DTD1: variants seen among roughly 807,000 people sequenced by gnomAD.
DTD1 encodes D-tyrosyl-tRNA deacylase 1 homolog.
Under a neutral mutation model 25.6 loss-of-function variants are expected in DTD1, and 13 were observed. The observed-to-expected ratio is 0.51, with a 90% CI of 0.33 to 0.81. The LOEUF is 0.81. DTD1 is among the 30% of genes least tolerant of loss of function. The probability of loss-of-function intolerance (pLI) is 0.02; values close to 1 mark genes in which losing one functional copy is unlikely to be tolerated. For synonymous variants in DTD1, 110 were observed against 103.6 expected, an observed-to-expected ratio of 1.06 and a Z score of -0.37; for missense variants, 193 against 266.4, an observed-to-expected ratio of 0.72 and a Z score of 1.92.
intron 4 of DTD1, among the ~76,000 whole-genome samples, chr20:18,686,366 A>G (rs2061016484): frequency 6.6e-6 from 1 of 152,242 alleles, no homozygotes; most frequent in Non-Finnish European, 1.5e-5. Context: ...CTATTTTTGC[A>G]TATATACCTT....
chr20:18,590,321 C>G (rs6075374), intron 1 of DTD1, among the ~76,000 whole-genome samples: 46,765 of 151,822 alleles, frequency 0.31, 7,628 homozygotes, highest in Non-Finnish European at 0.37. Flanking sequence ...AGACTACAGG[C>G]GTGTGCCGCC....
rs150843102 is a variant in DTD1, at chr20:18,726,629, C to G, written c.478-17471C>G. Among the ~76,000 whole-genome samples the G allele has an allele frequency of 6.2e-3, 945 of 152,298 alleles. 8 individuals carry two copies. Among genetic ancestry groups the G allele is most frequent in the Non-Finnish European group, 7.8e-3 (532 of 68,034 alleles). On this transcript the variant is annotated intron_variant, in intron 4 of 5. Coordinates refer to ENST00000377452, the MANE Select transcript of DTD1 (RefSeq NM_080820.6). ...CATTGGGATGACTAGGAATTCTACT[C>G]CTTGTTGTCACTTAGTGGGGAGTGT...
At chr20:18,588,136 C>A in intron 1 of DTD1, 21 bp downstream of exon 1, 1 of 1,260,670 alleles carries the variant, frequency 7.9e-7, no homozygotes, top group South Asian at 2.8e-5. Flanking sequence ...CGGGGCCGGG[C>A]CCGGGAGGAG....
Position 18,749,233 on chromosome 20 carries a change from G to A in DTD1, c.*19+4962G>A, listed in dbSNP as rs553854114. Among the ~76,000 whole-genome samples, 3 of 152,298 alleles carry A rather than the reference G, an allele frequency of 2.0e-5. No individual in the cohort carries two copies. In the East Asian group the frequency reaches 5.8e-4, roughly 29 times the overall value. On this transcript the variant is annotated intron_variant, in intron 5 of 5. Coordinates refer to ENST00000377452, the MANE Select transcript of DTD1 (RefSeq NM_080820.6). This position sits in a 1 kb window ranked among gnomAD's most constrained non-coding sequence, Gnocchi z 4.2. ...TGACAGGGATTCTGGAGGGAGAGCA[G>A]TGCAGGTGGCTCCAGGGCTCCAGGA...
chr20:18,651,018 G>C (rs956372991), intron 4 of DTD1, among the ~76,000 whole-genome samples: 1 of 152,192 alleles, frequency 6.6e-6, no homozygotes, highest in African/African-American at 2.4e-5. Flanking sequence ...TAACAGACTA[G>C]ATGAAAGACC....
intron 3 of DTD1, among the ~76,000 whole-genome samples, chr20:18,607,703 T>C (rs2060666378): frequency 6.6e-6 from 1 of 152,050 alleles, no homozygotes; most frequent in Non-Finnish European, 1.5e-5. Flanking sequence ...AAATTGTCTT[T>C]TTCTTCTTCT....
intron 4 of DTD1, among the ~76,000 whole-genome samples, chr20:18,740,998 A>G (rs1012260187): frequency 1.3e-5 from 2 of 152,228 alleles, no homozygotes; most frequent in African/African-American, 4.8e-5. Context: ...CTGTGTGGCC[A>G]TTTCTCAGAT....
Position 18,696,647 on chromosome 20 carries a change from C to T in DTD1, c.478-47453C>T, listed in dbSNP as rs374116853. On this transcript the variant is annotated intron_variant, in intron 4 of 5. Transcript: ENST00000377452. Reference sequence around the variant, plus strand: ...TCGGCTCATTGCAACCTCCGCCTCCCGGGTTCAAGTGATTCTCCTTCCTCA... The same window carrying T: ...TCGGCTCATTGCAACCTCCGCCTCCTGGGTTCAAGTGATTCTCCTTCCTCA... 7.8e-4 allele frequency among the ~76,000 whole-genome samples: 118 copies of T among 152,114 alleles called. 2 individuals are homozygous for T. The South Asian group carries it at 0.023, about 30-fold the overall frequency.
chr20:18,647,058 A>C (rs756558367), intron 4 of DTD1, among the ~76,000 whole-genome samples: 2 of 152,220 alleles, frequency 1.3e-5, no homozygotes, highest in Non-Finnish European at 2.9e-5. Context: ...TCTTCTAATC[A>C]ATCAAGCTGA....
intron 3 of DTD1, among the ~76,000 whole-genome samples, chr20:18,597,829 T>C (rs747352130): frequency 5.9e-5 from 9 of 152,208 alleles, no homozygotes; most frequent in Non-Finnish European, 1.3e-4. Context: ...CTCTTCTTTC[T>C]GAAGTACATT....
At chr20:18,690,607 C>A (rs114826741) in intron 4 of DTD1, among the ~76,000 whole-genome samples, 1 of 152,262 alleles carries the variant, frequency 6.6e-6, no homozygotes, top group Non-Finnish European at 1.5e-5. Flanking sequence ...GGAGTGCTTT[C>A]CCCATTGCTT....
chr20:18,710,845 C>CT (rs1178118732), intron 4 of DTD1, among the ~76,000 whole-genome samples: 1 of 151,968 alleles, frequency 6.6e-6, no homozygotes, highest in Non-Finnish European at 1.5e-5. Flanking sequence ...GGAAGGGGCT[C>CT]TGTGAGTGAG....
intron 4 of DTD1, among the ~76,000 whole-genome samples, chr20:18,712,778 C>T (rs1227262819): frequency 6.6e-6 from 1 of 152,360 alleles, no homozygotes; most frequent in East Asian, 1.9e-4. Context: ...CAATCATGAC[C>T]TTACGTGGCT....
At chr20:18,656,110 G>C (rs1046064969) in intron 4 of DTD1, among the ~76,000 whole-genome samples, 1 of 152,078 alleles carries the variant, frequency 6.6e-6, no homozygotes, top group African/African-American at 2.4e-5. Context: ...AGGCAGTGTG[G>C]CAGTATTTTT....
chr20:18,663,164 A>G (rs1304675197), intron 4 of DTD1, among the ~76,000 whole-genome samples: 1 of 152,130 alleles, frequency 6.6e-6, no homozygotes, highest in East Asian at 1.9e-4. Flanking sequence ...GTTTCATGGG[A>G]TGCCCTAATA....
chr20:18,665,545 A>G (rs1299285892), intron 4 of DTD1, among the ~76,000 whole-genome samples: 1 of 152,198 alleles, frequency 6.6e-6, no homozygotes, highest in Non-Finnish European at 1.5e-5. Context: ...CAACTTAGTT[A>G]CATATTCTTA....
chr20:18,694,695 G>A (rs544736366), intron 4 of DTD1, among the ~76,000 whole-genome samples: 59 of 152,238 alleles, frequency 3.9e-4, no homozygotes, highest in Admixed American at 1.1e-3. Context: ...GACATGCCTC[G>A]GTGAGATTCT....
intron 4 of DTD1, among the ~76,000 whole-genome samples, chr20:18,663,022 G>A (rs2060917439): frequency 6.6e-6 from 1 of 152,180 alleles, no homozygotes; most frequent in South Asian, 2.1e-4. Flanking sequence ...TGTGTCTCTG[G>A]TTATGCCCAG....
At chr20:18,721,166 C>T (rs202025290) in intron 4 of DTD1, among the ~76,000 whole-genome samples, 1 of 152,178 alleles carries the variant, frequency 6.6e-6, no homozygotes, top group East Asian at 1.9e-4. Context: ...AGAGACAATG[C>T]TTCTATTGTT....
Sources: allele counts gnomAD v4.1 joint callset (sites outside exome capture counted in the v4.1 genomes callset), GRCh38; gene constraint gnomAD v4.1.1; non-coding constraint Gnocchi (gnomAD v3.1); transcripts MANE v1.5; gene names NCBI Gene and HGNC (gene_info 2026-07-23, HGNC 2026-07-21).